ADGRL1: variants seen among roughly 807,000 people sequenced by gnomAD.
ADGRL1 encodes adhesion G protein-coupled receptor L1.
Under a neutral mutation model 148.9 loss-of-function variants are expected in ADGRL1, and 31 were observed. The observed-to-expected ratio is 0.21, with a 90% CI of 0.16 to 0.28. ADGRL1 has a LOEUF of 0.28. Among genes scored for constraint, ADGRL1 ranks in the 10% least tolerant of loss-of-function variants. The pLI is 1.00. For synonymous variants in ADGRL1, 937 were observed against 900.3 expected (o/e 1.04, Z -0.73); for missense variants, 1,521 against 2,058.8 (o/e 0.74, Z 5.05).
chr19:14,168,907 T>C (rs1970231085), intron 4 of ADGRL1: 1 of 152,252 alleles, frequency 6.6e-6, no homozygotes, highest in African/African-American at 2.4e-5. Context: ...GAACCCTGTC[T>C]ACAGATGGGA....
chr19:14,155,286 C>G lies in ADGRL1; in HGVS notation c.3294+73G>C, dbSNP rs1010321812. 7.1e-6 allele frequency: 11 copies of G among 1,548,350 alleles called. No homozygotes were observed. Among genetic ancestry groups the G allele is most frequent in the Non-Finnish European group, 9.7e-6 (11 of 1,136,008 alleles). ...GGAGCCCCTGAGTCCCCTCCACCCTCGCCGCCTTCTCCTGGGTACCCAGGA... is the reference window on the plus strand; with the variant it reads ...GGAGCCCCTGAGTCCCCTCCACCCTGGCCGCCTTCTCCTGGGTACCCAGGA... On this transcript the variant is annotated intron_variant, in intron 18 of 22. Transcript: ENST00000361434. This position sits in a 1 kb window ranked among gnomAD's most constrained non-coding sequence, Gnocchi z 5.0.
Position 14,160,767 on chromosome 19 carries a change from G to A in ADGRL1, c.1511-71C>T. On this transcript the variant is annotated intron_variant, in intron 6 of 22. Coordinates refer to ENST00000361434, the MANE Select transcript of ADGRL1 (RefSeq NM_014921.5). The surrounding 1 kb of genome is among the most constrained non-coding windows in gnomAD (Gnocchi z 5.9). ...GAAGAGAAGGATGGGACAGAGAGGG[G>A]GAAAGGAGATGACAGAGAGTGGGGG... is the stretch of plus-strand genomic sequence containing the variant. 4.5e-6 allele frequency: 4 copies of A among 879,790 alleles called. No homozygotes were observed. Among genetic ancestry groups the A allele is most frequent in the South Asian group, 1.4e-5 (1 of 72,594 alleles). The allele number at this position is 879,790 out of a possible 1,614,324, so 54.5% of individuals were successfully genotyped here. A position where few individuals can be genotyped will look rare whatever the true frequency, so the allele number is the denominator to read the frequency against.
intron 1 of ADGRL1, among the ~76,000 whole-genome samples, chr19:14,204,219 TCTCC>T (rs1972806363): frequency 6.6e-6 from 1 of 152,136 alleles, no homozygotes; most frequent in Non-Finnish European, 1.5e-5. Context: ...CTTCTCTTAT[TCTCC>T]CTGTTTTCAT....
intron 4 of ADGRL1, among the ~76,000 whole-genome samples, chr19:14,166,578 GAGAA>G (rs1026489023): frequency 4.2e-4 from 62 of 148,752 alleles, no homozygotes; most frequent in African/African-American, 1.3e-3. Context: ...GAGAGAGAGA[GAGAA>G]AGAGAGAGAG....
chr19:14,187,826 G>A (rs933723938), intron 1 of ADGRL1, among the ~76,000 whole-genome samples: 38 of 152,198 alleles, frequency 2.5e-4, no homozygotes, highest in African/African-American at 9.2e-4. Context: ...GCCACAGAAA[G>A]GTTCAGGGGA....
Position 14,159,311 on chromosome 19 carries a change from G to C in ADGRL1, c.2023+90C>G, listed in dbSNP as rs955318066. On this transcript the variant is annotated intron_variant, in intron 10 of 22. Coordinates refer to ENST00000361434, the MANE Select transcript of ADGRL1 (RefSeq NM_014921.5). This position sits in a 1 kb window ranked among gnomAD's most constrained non-coding sequence, Gnocchi z 6.0. ...AACGAGACTCTGGCAAGATGCCCAA[G>C]GGTCGGATAGCCCCCCTGTGGCCTC... 1.1e-5 allele frequency: 17 copies of C among 1,574,462 alleles called. No homozygotes were observed. Among genetic ancestry groups the C allele is most frequent in the East Asian group, 6.8e-5 (3 of 44,368 alleles).
chr19:14,204,409 G>GC (rs1408614789), intron 1 of ADGRL1, among the ~76,000 whole-genome samples: 10 of 151,998 alleles, frequency 6.6e-5, no homozygotes, highest in Non-Finnish European at 1.2e-4. Context: ...AATTCAGGGG[G>GC]CCAGGCCCTG....
At chr19:14,194,139 G>A (rs1200119676) in intron 1 of ADGRL1, among the ~76,000 whole-genome samples, 2 of 152,176 alleles carry the variant, frequency 1.3e-5, no homozygotes, top group Non-Finnish European at 2.9e-5. Flanking sequence ...AGCTGCTCGG[G>A]AGGCTGAGGC....
chr19:14,171,967 G>A (rs1211004828), intron 3 of ADGRL1, among the ~76,000 whole-genome samples: 1 of 152,206 alleles, frequency 6.6e-6, no homozygotes, highest in African/African-American at 2.4e-5. Flanking sequence ...GGCAGAAGAG[G>A]CCCTGTGTCT....
chr19:14,153,089 C>G (rs556353852), intron 18 of ADGRL1, among the ~76,000 whole-genome samples, 177 bp from the exon 19 acceptor site: 1 of 152,332 alleles, frequency 6.6e-6, no homozygotes, highest in Admixed American at 6.5e-5. Context: ...CCCTGTCCCC[C>G]AACAGCCAGC....
Position 14,159,251 on chromosome 19 carries a change from G to A in ADGRL1, c.2024-36C>T, listed in dbSNP as rs1969091160. The A allele has an allele frequency of 5.0e-6, 8 of 1,610,698 alleles. No individual in the cohort carries two copies. Among genetic ancestry groups the A allele is most frequent in the Middle Eastern group, 1.7e-4 (1 of 6,040 alleles). On this transcript the variant is annotated intron_variant, in intron 10 of 22. Transcript: ENST00000361434. This position sits in a 1 kb window ranked among gnomAD's most constrained non-coding sequence, Gnocchi z 6.0. ...AGGGGAAGGCAAGGCATACACAGTT[G>A]GGGTCTGTTCCCAGTCCAGGGGCTC...
chr19:14,198,091 G>C (rs1258313251), intron 1 of ADGRL1, among the ~76,000 whole-genome samples: 1 of 152,136 alleles, frequency 6.6e-6, no homozygotes, highest in African/African-American at 2.4e-5. Context: ...CACGTGCAAA[G>C]GTCCTGGGGT....
rs766836426 is a variant in ADGRL1, at chr19:14,177,550, A to G, written c.265T>C (p.Phe89Leu). 2 of 1,614,180 alleles carry G rather than the reference A, an allele frequency of 1.2e-6. No individual in the cohort carries two copies. The highest frequency in any genetic ancestry group is 1.7e-6 in the Non-Finnish European group (2 of 1,180,032). Residue 89 changes from phenylalanine (F) to leucine (L), a missense_variant, in exon 3 of 23, where the codon TTC (phenylalanine) becomes CTC (leucine). By Grantham distance (22) the Phe-to-Leu change is conservative. Around this residue, in one of 8 missense-constraint regions of ADGRL1, gnomAD observed 334 missense variants for 512.5 expected, o/e 0.65. Transcript: ENST00000361434. ...ACTCACCTCTGTGACATGATCTTGA[A>G]GGCGTCCGGCAGGTAGCACTGCACA... ...ENVQCYLPDA[F>L]KIMSQRCNNR...
chr19:14,159,285 G>T lies in ADGRL1; in HGVS notation c.2024-70C>A. ...TCCCAGTCCAGGGGCTCAGGCTGCA[G>T]AACGAGACTCTGGCAAGATGCCCAA... On this transcript the variant is annotated intron_variant, in intron 10 of 22. Transcript: ENST00000361434. The surrounding 1 kb of genome is among the most constrained non-coding windows in gnomAD (Gnocchi z 6.0). The T allele has an allele frequency of 6.3e-7, 1 of 1,587,136 alleles. No individual in the cohort carries two copies. The highest frequency in any genetic ancestry group is 8.6e-7 in the Non-Finnish European group (1 of 1,162,628).
At chr19:14,200,363 C>A (rs7248630) in intron 1 of ADGRL1, among the ~76,000 whole-genome samples, 9,933 of 152,242 alleles carry the variant, frequency 0.065, 342 homozygotes, top group African/African-American at 0.097. Flanking sequence ...AATGGGGCCG[C>A]CCCTCTGCCC....
At chr19:14,182,157 G>T (rs1216320135) in intron 2 of ADGRL1, among the ~76,000 whole-genome samples, 1 of 152,218 alleles carries the variant, frequency 6.6e-6, no homozygotes. Context: ...GGGCAGAGAG[G>T]ACAATTCCCA....
In ADGRL1 at chr19:14,159,660, C is replaced by T; in HGVS notation, c.1839+75G>A. ...CCTGGGGGTGGGCTCTGCATGCCCT[C>T]TTCTCAACCTCCACCCCTAATCCCC... On this transcript the variant is annotated intron_variant, in intron 9 of 22. Transcript: ENST00000361434. This position sits in a 1 kb window ranked among gnomAD's most constrained non-coding sequence, Gnocchi z 6.0. 1 of 1,601,000 alleles carries T rather than the reference C, an allele frequency of 6.2e-7. No individual in the cohort carries two copies. Among genetic ancestry groups the T allele is most frequent in the Non-Finnish European group, 8.6e-7 (1 of 1,169,212 alleles).
In ADGRL1 at chr19:14,157,259, G is replaced by T; in HGVS notation, c.2737C>A (p.Gln913Lys). The T allele has an allele frequency of 6.2e-7, 1 of 1,614,078 alleles. No individual in the cohort carries two copies. Among genetic ancestry groups the T allele is most frequent in the Non-Finnish European group, 8.5e-7 (1 of 1,180,018 alleles). ...CTAGAGTCCCAGCCCACCTCATACT[G>T]AGTCTTGTCGATCCCGACCAGGAAG... ...LLFLVGIDKT[Q>K]YEIACPIFAG... The change falls in exon 14 of 23, where the codon CAG (glutamine) becomes AAG (lysine). Residue 913 changes from glutamine (Q) to lysine (K), a missense_variant. By Grantham distance (53) the Gln-to-Lys change is moderately conservative (BLOSUM62 1). Coordinates refer to ENST00000361434, the MANE Select transcript of ADGRL1 (RefSeq NM_014921.5). This position sits in a 1 kb window ranked among gnomAD's most constrained non-coding sequence, Gnocchi z 7.5.
chr19:14,160,785 A>T lies in ADGRL1; in HGVS notation c.1511-89T>A, dbSNP rs1969279779. 4 of 777,424 alleles carry T rather than the reference A, an allele frequency of 5.1e-6. No homozygotes were observed. Among genetic ancestry groups the T allele is most frequent in the South Asian group, 1.4e-5 (1 of 69,812 alleles). 48.2% of individuals were successfully genotyped at this position (777,424 alleles called of 1,614,324 possible). On this transcript the variant is annotated intron_variant, in intron 6 of 22. Transcript: ENST00000361434. This position sits in a 1 kb window ranked among gnomAD's most constrained non-coding sequence, Gnocchi z 5.9. ...GAGAGGGGGAAAGGAGATGACAGAG[A>T]GTGGGGGACGAGCGGGCGAAGAGGG...
Sources: allele counts gnomAD v4.1 joint callset (sites outside exome capture counted in the v4.1 genomes callset), GRCh38; gene constraint gnomAD v4.1.1; regional missense constraint gnomAD v4.1.1; non-coding constraint Gnocchi (gnomAD v3.1); transcripts MANE v1.5; gene names NCBI Gene and HGNC (gene_info 2026-07-23, HGNC 2026-07-21).